GHR: variants seen among roughly 807,000 people sequenced by gnomAD.
GHR encodes the protein GH receptor.
Under a neutral mutation model 67.1 loss-of-function variants are expected in GHR, and 35 were observed. The observed-to-expected ratio is 0.52, with a 90% confidence interval of 0.40 to 0.69. GHR has a LOEUF of 0.69. GHR is among the 30% of genes least tolerant of loss of function. The pLI is 0.00. For missense variants in GHR, 792 were observed against 764.6 expected (o/e 1.04, Z -0.42); for synonymous variants, 272 against 269.1 (o/e 1.01, Z -0.10).
chr5:42,443,151 T>C (rs1032681228), intron 1 of GHR, among the ~76,000 whole-genome samples: 3 of 152,242 alleles, frequency 2.0e-5, no homozygotes, highest in Non-Finnish European at 4.4e-5. Flanking sequence ...CTGATTGGAC[T>C]TCTCTTAGCC....
Position 42,719,632 on chromosome 5 carries a change from T to C in GHR, c.*208T>C, listed in dbSNP as rs1758922870. ...TCAGATAGATATTCCTATTGTGCAATGTAAATATTTTAAAGAATTGTGTCA... is the reference window on the plus strand; with the variant it reads ...TCAGATAGATATTCCTATTGTGCAACGTAAATATTTTAAAGAATTGTGTCA... On this transcript the variant is annotated 3_prime_UTR_variant, in exon 10 of 10. Coordinates refer to ENST00000230882, the MANE Select transcript of GHR (RefSeq NM_000163.5). 1.7e-6 allele frequency: 1 copy of C among 577,170 alleles called. No individual in the cohort carries two copies. The highest frequency in any genetic ancestry group is 1.9e-5 in the African/African-American group (1 of 53,776). The allele number at this position is 577,170 out of a possible 1,614,324, so 35.8% of individuals were successfully genotyped here. A position where few individuals can be genotyped will look rare whatever the true frequency, so the allele number is the denominator to read the frequency against.
intron 2 of GHR, among the ~76,000 whole-genome samples, chr5:42,593,174 G>A (rs1159077849): frequency 6.6e-6 from 1 of 152,162 alleles, no homozygotes; most frequent in Admixed American, 6.5e-5. Context: ...TCAGCTGTGT[G>A]ATTCCTTATC....
At chr5:42,636,209 CAAAAA>C (rs11373491) in intron 3 of GHR, among the ~76,000 whole-genome samples, 7 of 81,924 alleles carry the variant, frequency 8.5e-5, no homozygotes, top group South Asian at 4.9e-4. Flanking sequence ...GACCCCGTTT[CAAAAA>C]AAAAAAAAAA....
chr5:42,614,059 T>G (rs1342316434), intron 2 of GHR, among the ~76,000 whole-genome samples: 4 of 152,118 alleles, frequency 2.6e-5, no homozygotes, highest in Non-Finnish European at 5.9e-5. Context: ...GGCCTTTCAC[T>G]TCTCAAACTA....
chr5:42,707,127 CT>C (rs1758213570), intron 6 of GHR, among the ~76,000 whole-genome samples: 1 of 150,834 alleles, frequency 6.6e-6, no homozygotes. Context: ...TCCTAGGTTT[CT>C]GTGTGTGTGT....
intron 3 of GHR, among the ~76,000 whole-genome samples, chr5:42,662,002 CAAAG>C (rs1755660895): frequency 6.6e-6 from 1 of 152,114 alleles, no homozygotes; most frequent in Non-Finnish European, 1.5e-5. Context: ...TCAAAAGAGA[CAAAG>C]AAGGCCATTA....
At chr5:42,573,805 A>G (rs1343062521) in intron 2 of GHR, among the ~76,000 whole-genome samples, 1 of 152,230 alleles carries the variant, frequency 6.6e-6, no homozygotes, top group African/African-American at 2.4e-5. Context: ...TTATATTAAT[A>G]AAATCTTTAA....
intron 2 of GHR, among the ~76,000 whole-genome samples, chr5:42,611,564 T>A (rs1024091829): frequency 1.4e-4 from 22 of 152,148 alleles, no homozygotes; most frequent in Admixed American, 5.2e-4. Context: ...CGCACATGGT[T>A]TCTGTCTTCT....
intron 1 of GHR, among the ~76,000 whole-genome samples, chr5:42,552,247 A>T (rs1026482492): frequency 6.6e-6 from 1 of 152,204 alleles, no homozygotes; most frequent in Non-Finnish European, 1.5e-5. Flanking sequence ...CTGAGCCAAG[A>T]TTTGCAAGGA....
chr5:42,664,892 C>T (rs1755871520), intron 3 of GHR, among the ~76,000 whole-genome samples: 2 of 151,862 alleles, frequency 1.3e-5, no homozygotes, highest in South Asian at 4.2e-4. Context: ...TCAAACAAAT[C>T]TACAGGAAAA....
At chr5:42,655,021 A>G (rs4242116) in intron 3 of GHR, among the ~76,000 whole-genome samples, 102,836 of 151,950 alleles carry the variant, frequency 0.68, 36,369 homozygotes, top group East Asian at 0.96. Flanking sequence ...ATGCCAGACT[A>G]TCTTCTCCAG....
At chr5:42,510,985 T>C (rs1746991337) in intron 1 of GHR, among the ~76,000 whole-genome samples, 1 of 152,224 alleles carries the variant, frequency 6.6e-6, no homozygotes, top group Admixed American at 6.5e-5. Context: ...CTTACTCCTC[T>C]TGCCTAAGAA....
chr5:42,670,056 A>G (rs1756195368), intron 3 of GHR, among the ~76,000 whole-genome samples: 1 of 152,248 alleles, frequency 6.6e-6, no homozygotes, highest in Non-Finnish European at 1.5e-5. Context: ...AAGACTCTGA[A>G]TAGCCAAAGC....
At chr5:42,646,290 A>G in intron 3 of GHR, 1 of 449,580 alleles carries the variant, frequency 2.2e-6, no homozygotes, top group Non-Finnish European at 4.5e-6. Context: ...TGCAAATTGA[A>G]CCCCAGCACA....
chr5:42,718,539 A>C lies in GHR; in HGVS notation c.1032A>C (p.Glu344Asp). Reference protein sequence around the residue: ...PEFHSDDSWVEFIELDIDEPD... With the variant: ...PEFHSDDSWVDFIELDIDEPD... ...TCCACAGTGATGACTCTTGGGTTGA[A>C]TTTATTGAGCTAGATATTGATGAGC... Residue 344 changes from glutamate (E) to aspartate (D), a missense_variant, in exon 10 of 10, where the codon GAA becomes GAC. Coordinates refer to ENST00000230882, the MANE Select transcript of GHR (RefSeq NM_000163.5). 6.2e-7 allele frequency: 1 copy of C among 1,613,970 alleles called. No individual in the cohort carries two copies. Among genetic ancestry groups the C allele is most frequent in the Non-Finnish European group, 8.5e-7 (1 of 1,179,840 alleles).
At chr5:42,468,671 G>A in intron 1 of GHR, 1 of 1,010,078 alleles carries the variant, frequency 9.9e-7, no homozygotes, top group Non-Finnish European at 1.6e-6. Flanking sequence ...CTAGCTATTT[G>A]CCTGCCGCCT....
At chr5:42,712,360 T>C (rs1228720076) in intron 7 of GHR, among the ~76,000 whole-genome samples, 2 of 151,760 alleles carry the variant, frequency 1.3e-5, no homozygotes, top group African/African-American at 4.9e-5. Flanking sequence ...TTAAGCTTAG[T>C]GTAGTGGCAT....
chr5:42,442,874 C>T (rs1436813899), intron 1 of GHR, among the ~76,000 whole-genome samples: 4 of 152,192 alleles, frequency 2.6e-5, no homozygotes, highest in African/African-American at 9.7e-5. Flanking sequence ...GTCAAATTCA[C>T]GGACCTTCTT....
chr5:42,564,304 GATTTATTTGAAATCTCACAATGTGTGA>G (rs1749805763), intron 1 of GHR, among the ~76,000 whole-genome samples: 1 of 82,300 alleles, frequency 1.2e-5, no homozygotes, highest in Non-Finnish European at 2.5e-5. Context: ...CAAAGTGTGA[GATTTATTTGAAATCTCACAATGTGTGA>G]GATTTATTTG....
Sources: gnomAD v4.1 joint callset for allele counts (sites outside exome capture counted in the v4.1 genomes callset) on GRCh38, gnomAD v4.1.1 for gene constraint, MANE v1.5 for transcripts, NCBI Gene and HGNC (gene_info 2026-07-23, HGNC 2026-07-21) for gene names.